Variants in MYO18B observed in about 807,000 individuals in gnomAD.
The protein encoded by MYO18B is myosin XVIIIB.
In MYO18B, 204 loss-of-function variants were observed where a neutral mutation model predicts 273.0. The observed-to-expected ratio is 0.75, with a 90% CI of 0.67 to 0.84. The LOEUF is 0.84. Among genes scored for constraint, MYO18B ranks in the 40% least tolerant of loss-of-function variants. The pLI, the probability that MYO18B is intolerant of heterozygous loss-of-function variation, is 0.00. For missense variants in MYO18B, 3,212 were observed against 3,287.6 expected, an observed-to-expected ratio of 0.98 and a Z score of 0.56; for synonymous variants, 1,330 against 1,305.7, an observed-to-expected ratio of 1.02 and a Z score of -0.40.
downstream of MYO18B, among the ~76,000 whole-genome samples, chr22:26,036,000 C>CT (rs1437141687): frequency 2.0e-5 from 3 of 152,218 alleles, no homozygotes; most frequent in Non-Finnish European, 2.9e-5. Context: ...CCCTGGCTCT[C>CT]TGCAGAGTTC....
intron 34 of MYO18B, among the ~76,000 whole-genome samples, chr22:25,933,108 G>A (rs1045285813): frequency 3.3e-5 from 5 of 151,938 alleles, no homozygotes; most frequent in Non-Finnish European, 7.4e-5. Context: ...ACATTTTTTG[G>A]AGAGTTCAGG....
At chr22:25,992,536 G>T in intron 40 of MYO18B, 43 bp downstream of exon 40, 1 of 1,611,584 alleles carries the variant, frequency 6.2e-7, no homozygotes, top group African/African-American at 1.3e-5. Context: ...CAGCAGGTGG[G>T]CGGCATCCTG....
At position 25,768,611 on chromosome 22, in the gene MYO18B, A is replaced by G. The variant is rs1308897286; in HGVS notation, c.695A>G (p.Lys232Arg). The G allele has an allele frequency of 6.6e-7, 1 of 1,526,050 alleles. No individual in the cohort carries two copies. Among genetic ancestry groups the G allele is most frequent in the East Asian group, 2.3e-5 (1 of 44,228 alleles). 94.5% of individuals were successfully genotyped at this position (1,526,050 alleles called of 1,614,324 possible). ...GDPGQGTVAL[K>R]KGEEGQSIVG... ...CCAGGCCAAGGAACTGTGGCACTGA[A>G]AAAAGGCGAGGAGGGTCAAAGCATA... The change falls in exon 4 of 44, where the codon AAA becomes AGA. Residue 232 changes from lysine (K) to arginine (R), a missense_variant. Transcript: ENST00000335473.
intron 39 of MYO18B, among the ~76,000 whole-genome samples, chr22:25,983,096 C>A (rs1569262334): frequency 6.6e-6 from 1 of 152,150 alleles, no homozygotes; most frequent in African/African-American, 2.4e-5. Context: ...GGTGGCCGAG[C>A]ACAGTGGTTC....
At chr22:26,001,124 C>A (rs1230830711) in intron 40 of MYO18B, among the ~76,000 whole-genome samples, 1 of 151,842 alleles carries the variant, frequency 6.6e-6, no homozygotes, top group Non-Finnish European at 1.5e-5. Flanking sequence ...AAGGGTGTAA[C>A]AGTAGTTAGC....
chr22:25,836,939 A>G (rs2145959702), intron 17 of MYO18B, among the ~76,000 whole-genome samples: 1 of 151,196 alleles, frequency 6.6e-6, no homozygotes, highest in Admixed American at 6.6e-5. Context: ...TCCAGCCTGG[A>G]CAACAAGAGT....
chr22:25,957,861 G>A (rs1181968341), intron 39 of MYO18B, among the ~76,000 whole-genome samples: 5 of 150,394 alleles, frequency 3.3e-5, no homozygotes, highest in South Asian at 2.1e-4. Flanking sequence ...CTAAATCCAC[G>A]TTGATCTCAC....
At chr22:25,767,979 A>G (rs1342681800) in intron 3 of MYO18B, 136 bp from the exon 4 acceptor site, 1 of 849,860 alleles carries the variant, frequency 1.2e-6, no homozygotes, top group Admixed American at 2.8e-5. Flanking sequence ...TGCCTGTTGG[A>G]TTTGGAGGTG....
intron 39 of MYO18B, among the ~76,000 whole-genome samples, chr22:25,967,671 T>G (rs2092994142): frequency 6.6e-6 from 1 of 152,200 alleles, no homozygotes. Context: ...ATGGCTCTTT[T>G]AGTTGCAAGT....
intron 12 of MYO18B, among the ~76,000 whole-genome samples, chr22:25,807,967 T>G (rs2088559542): frequency 1.3e-5 from 2 of 152,084 alleles, no homozygotes; most frequent in Admixed American, 6.5e-5. Context: ...GTGCCAGGCA[T>G]GTAAGTAAGA....
intron 12 of MYO18B, among the ~76,000 whole-genome samples, chr22:25,817,248 T>C (rs994848678): frequency 4.9e-4 from 74 of 151,744 alleles, no homozygotes; most frequent in African/African-American, 1.7e-3. Flanking sequence ...TTCTCTCTCT[T>C]TCTTTCTTCT....
intron 7 of MYO18B, among the ~76,000 whole-genome samples, chr22:25,774,017 G>A (rs113634432): frequency 2.6e-5 from 4 of 152,218 alleles, no homozygotes; most frequent in Admixed American, 2.6e-4. Flanking sequence ...GACACCTGGT[G>A]TCTAGGAAAG....
chr22:25,857,164 G>A (rs1052009501), intron 21 of MYO18B, among the ~76,000 whole-genome samples: 1 of 152,146 alleles, frequency 6.6e-6, no homozygotes, highest in African/African-American at 2.4e-5. Flanking sequence ...GAATACAAGG[G>A]TGGAATCTCA....
At chr22:25,841,673 G>T (rs529143484) in intron 17 of MYO18B, among the ~76,000 whole-genome samples, 1 of 152,286 alleles carries the variant, frequency 6.6e-6, no homozygotes. Flanking sequence ...AGTGCTAGGA[G>T]CCGGGGCTTA....
At chr22:25,811,406 C>T (rs962786192) in intron 12 of MYO18B, among the ~76,000 whole-genome samples, 5 of 152,140 alleles carry the variant, frequency 3.3e-5, no homozygotes, top group African/African-American at 7.2e-5. Context: ...GAAACCTTTC[C>T]CAGCAGCCCC....
At chr22:25,999,886 C>G (rs1464571423) in intron 40 of MYO18B, among the ~76,000 whole-genome samples, 1 of 152,144 alleles carries the variant, frequency 6.6e-6, no homozygotes, top group African/African-American at 2.4e-5. Context: ...GAACTCCTGA[C>G]CTCGTGATCT....
Position 25,895,275 on chromosome 22 carries a change from C to G in MYO18B, c.4663C>G (p.Gln1555Glu). 3 of 1,597,664 alleles carry G rather than the reference C, an allele frequency of 1.9e-6. No homozygotes were observed. Among genetic ancestry groups the G allele is most frequent in the African/African-American group, 1.3e-5 (1 of 74,798 alleles). Residue 1555 changes from glutamine to glutamate, a missense_variant, in exon 28 of 44, where the codon CAA (glutamine) becomes GAA (glutamate). By Grantham distance (29) the Gln-to-Glu change is conservative. Transcript: ENST00000335473. ...GCTGACAGCCAGGAAAGAGCTGGAG[C>G]AAAAGGTAAGATGTGGGGATAGTCT... ...SELTARKELEQKLGELQSAYD... is the reference protein window; with the variant it reads ...SELTARKELEEKLGELQSAYD...
chr22:25,861,381 A>G (rs560505062), intron 21 of MYO18B, among the ~76,000 whole-genome samples: 6 of 152,300 alleles, frequency 3.9e-5, no homozygotes, highest in Non-Finnish European at 8.8e-5. Context: ...TTGTTGCTAT[A>G]AAATGTCTCC....
chr22:25,827,708 T>C, intron 14 of MYO18B, among the ~76,000 whole-genome samples: 1 of 152,238 alleles, frequency 6.6e-6, no homozygotes, highest in Admixed American at 6.5e-5. Context: ...ACAGACATAT[T>C]ATCTAGAAAC....
Sources: gnomAD v4.1 joint callset for allele counts (sites outside exome capture counted in the v4.1 genomes callset) on GRCh38, gnomAD v4.1.1 for gene constraint, MANE v1.5 for transcripts, NCBI Gene and HGNC (gene_info 2026-07-23, HGNC 2026-07-21) for gene names.